The following NAALADL2 variants were observed in gnomAD, a reference collection of about 807,000 sequenced individuals.
NAALADL2 encodes inactive N-acetylated-alpha-linked acidic dipeptidase-like protein 2.
In NAALADL2, 76 loss-of-function variants were observed where a neutral mutation model predicts 87.2. That is an observed-to-expected ratio of 0.87 (90% CI 0.72 to 1.05). The LOEUF is 1.05. Ranked by LOEUF, NAALADL2 falls within the 50% of genes least tolerant of loss-of-function variation. The probability of loss-of-function intolerance (pLI) is 0.00; values close to 1 mark genes in which losing one functional copy is unlikely to be tolerated. For synonymous variants in NAALADL2, 354 were observed against 331.0 expected, an observed-to-expected ratio of 1.07 and a Z score of -0.75; for missense variants, 1,089 against 945.8, an observed-to-expected ratio of 1.15 and a Z score of -1.99.
At chr3:175,713,514 A>T (rs934853157) in intron 11 of NAALADL2, among the ~76,000 whole-genome samples, 2 of 152,110 alleles carry the variant, frequency 1.3e-5, no homozygotes, top group African/African-American at 2.4e-5. Flanking sequence ...GCTGAAATGT[A>T]TTTAAAAGAA....
intron 13 of NAALADL2, among the ~76,000 whole-genome samples, chr3:175,786,265 A>G (rs1186297873): frequency 1.3e-5 from 2 of 151,792 alleles, no homozygotes; most frequent in Non-Finnish European, 2.9e-5. Context: ...TAGATTGGGG[A>G]AGTTCTCCTG....
At chr3:175,573,601 A>G (rs933746336) in intron 9 of NAALADL2, among the ~76,000 whole-genome samples, 1 of 152,214 alleles carries the variant, frequency 6.6e-6, no homozygotes, top group Non-Finnish European at 1.5e-5. Flanking sequence ...AAATACCTCC[A>G]GAGGTGCTCG....
intron 11 of NAALADL2, among the ~76,000 whole-genome samples, chr3:175,640,078 T>C (rs540789265): frequency 1.3e-5 from 2 of 152,310 alleles, no homozygotes; most frequent in East Asian, 3.9e-4. Context: ...TGGATGACTT[T>C]AATAAATAAT....
intron 13 of NAALADL2, among the ~76,000 whole-genome samples, chr3:175,791,095 G>A (rs1205183071): frequency 2.0e-5 from 3 of 152,134 alleles, no homozygotes; most frequent in Non-Finnish European, 4.4e-5. Context: ...TTATTCTCAT[G>A]CACATTAAAT....
intron 1 of NAALADL2, among the ~76,000 whole-genome samples, chr3:175,027,357 G>A (rs1055019583): frequency 1.3e-5 from 2 of 151,754 alleles, no homozygotes; most frequent in African/African-American, 4.8e-5. Flanking sequence ...ACTGAATCCC[G>A]GTTTCAACTG....
chr3:175,677,767 C>A (rs1735018083), intron 11 of NAALADL2, among the ~76,000 whole-genome samples: 1 of 152,086 alleles, frequency 6.6e-6, no homozygotes, highest in Admixed American at 6.6e-5. Context: ...CAAGGCTGTT[C>A]TTCATAGGCA....
chr3:175,107,349 A>T (rs1231375711), intron 2 of NAALADL2, among the ~76,000 whole-genome samples: 1 of 152,014 alleles, frequency 6.6e-6, no homozygotes, highest in Non-Finnish European at 1.5e-5. Context: ...AAGTAATTCA[A>T]CCAGCAGACT....
At chr3:175,652,614 G>C (rs1039907196) in intron 11 of NAALADL2, among the ~76,000 whole-genome samples, 1 of 151,442 alleles carries the variant, frequency 6.6e-6, no homozygotes, top group Non-Finnish European at 1.5e-5. Context: ...GAGTAGCTGG[G>C]ACTACAGGCG....
intron 1 of NAALADL2, among the ~76,000 whole-genome samples, chr3:174,870,123 G>A (rs1230342967): frequency 1.3e-5 from 2 of 151,516 alleles, no homozygotes; most frequent in African/African-American, 2.4e-5. Context: ...GCGTGTGTAC[G>A]TGTTATCAGC....
At chr3:175,572,563 C>G (rs1041924271) in intron 9 of NAALADL2, among the ~76,000 whole-genome samples, 1 of 152,116 alleles carries the variant, frequency 6.6e-6, no homozygotes, top group African/African-American at 2.4e-5. Context: ...AAGCTGAATG[C>G]TGCCCTTTTG....
intron 2 of NAALADL2, among the ~76,000 whole-genome samples, chr3:174,610,636 G>T (rs1042699702): frequency 3.3e-5 from 5 of 152,088 alleles, no homozygotes; most frequent in Non-Finnish European, 7.4e-5. Context: ...ACACCAGTTA[G>T]AATGGCAATC....
chr3:174,849,110 T>C (rs1350597695), intron 3 of NAALADL2, among the ~76,000 whole-genome samples: 1 of 152,170 alleles, frequency 6.6e-6, no homozygotes, highest in Non-Finnish European at 1.5e-5. Flanking sequence ...TGGAAGTTGT[T>C]CTGCGTGAGT....
intron 11 of NAALADL2, among the ~76,000 whole-genome samples, chr3:175,717,691 CAAA>C (rs11401276): frequency 9.1e-6 from 1 of 109,794 alleles, no homozygotes; most frequent in Admixed American, 9.6e-5. Context: ...ACCCTGTCTC[CAAA>C]AAAAAAAAAG....
intron 1 of NAALADL2, among the ~76,000 whole-genome samples, chr3:174,537,307 A>C (rs1400744310): frequency 2.0e-5 from 3 of 152,210 alleles, no homozygotes; most frequent in Admixed American, 1.3e-4. Flanking sequence ...TCATATAATT[A>C]TACTGTAAGA....
intron 11 of NAALADL2, among the ~76,000 whole-genome samples, chr3:175,664,172 T>C (rs770928114): frequency 3.9e-5 from 6 of 152,072 alleles, no homozygotes; most frequent in Non-Finnish European, 7.4e-5. Context: ...ATAGTTATCT[T>C]TGTGCATCTA....
In NAALADL2 at chr3:175,803,157, A is replaced by G. The variant is rs755652359; in HGVS notation, c.2342A>G (p.Lys781Arg). The G allele has an allele frequency of 1.9e-6, 3 of 1,612,060 alleles. No individual in the cohort carries two copies. The highest frequency in any genetic ancestry group is 1.7e-6 in the Non-Finnish European group (2 of 1,178,816). The change falls in exon 14 of 14, where the codon AAA becomes AGA. Residue 781 changes from lysine (K) to arginine (R), a missense_variant. Lys to Arg is a conservative substitution (Grantham distance 26). Coordinates refer to ENST00000454872, the MANE Select transcript of NAALADL2 (RefSeq NM_207015.3). ...NSINSAQVYF[K>R]AGLDVFKSVL... ...ATTAATTCAGCTCAGGTTTACTTCA[A>G]AGCAGGACTTGATGTGTTCAAGAGT...
At chr3:174,537,214 T>C (rs1008715195) in intron 1 of NAALADL2, among the ~76,000 whole-genome samples, 1 of 152,252 alleles carries the variant, frequency 6.6e-6, no homozygotes, top group East Asian at 1.9e-4. Flanking sequence ...TAAATTAATA[T>C]GGATTTGGAA....
intron 2 of NAALADL2, among the ~76,000 whole-genome samples, chr3:174,658,071 A>G (rs1010083366): frequency 1.3e-5 from 2 of 152,198 alleles, no homozygotes; most frequent in Non-Finnish European, 2.9e-5. Context: ...GCAATTATGA[A>G]TAAAGCTGCT....
chr3:175,093,414 T>TATATATATATA (rs1553771396), intron 1 of NAALADL2, among the ~76,000 whole-genome samples: 8,916 of 117,340 alleles, frequency 0.076, 383 homozygotes, highest in Middle Eastern at 0.11. Flanking sequence ...CATTTTATTT[T>TATATATATATA]TTTATATATA....
Sources: gnomAD v4.1 joint callset for allele counts (sites outside exome capture counted in the v4.1 genomes callset) on GRCh38, gnomAD v4.1.1 for gene constraint, MANE v1.5 for transcripts, NCBI Gene and HGNC (gene_info 2026-07-23, HGNC 2026-07-21) for gene names.